The following AGAP1 variants were observed in gnomAD, a reference collection of about 807,000 sequenced individuals.
AGAP1 encodes the protein arf-GAP with GTPase, ANK repeat and PH domain-containing protein 1.
AGAP1 carries 29 observed loss-of-function variants against 105.3 expected under a neutral mutation model. That is an observed-to-expected ratio of 0.28 (90% CI 0.21 to 0.38). The LOEUF (loss-of-function observed/expected upper bound fraction) is 0.38. Ranked by LOEUF, AGAP1 falls within the 10% of genes least tolerant of loss-of-function variation. AGAP1 has a pLI of 1.00. For synonymous variants in AGAP1, 509 were observed against 485.9 expected (o/e 1.05, Z -0.63); for missense variants, 998 against 1,165.1 (o/e 0.86, Z 2.09).
chr2:235,590,692 CGTGTGTGTGTGTGTGTGTGT>C (rs1183327731), intron 1 of AGAP1, among the ~76,000 whole-genome samples: 1 of 72,554 alleles, frequency 1.4e-5, no homozygotes, highest in Admixed American at 1.2e-4. Flanking sequence ...TGTGCGTGTG[CGTGTGTGTGTGTGTGTGTGT>C]GCATTTTTTT....
intron 3 of AGAP1, among the ~76,000 whole-genome samples, chr2:235,726,038 G>C (rs140352987): frequency 2.0e-5 from 3 of 152,206 alleles, no homozygotes; most frequent in Admixed American, 1.3e-4. Context: ...TGAGTTGGCT[G>C]TATGGAACTC....
chr2:235,802,516 A>AG (rs1408237576), intron 8 of AGAP1, among the ~76,000 whole-genome samples: 9 of 152,264 alleles, frequency 5.9e-5, no homozygotes, highest in African/African-American at 2.2e-4. Context: ...GAGTCATAAA[A>AG]GAAGCTACCA....
Position 235,872,305 on chromosome 2 carries a change from A to C in AGAP1, c.1051-11040A>C, listed in dbSNP as rs923990317. ...TAAATGCCGAAGCCACATAGGAGTC[A>C]AAGAAAGCGTTAACTGTAATTGATG... is the stretch of plus-strand genomic sequence containing the variant. On this transcript the variant is annotated intron_variant, in intron 9 of 17. Coordinates refer to ENST00000304032, the MANE Select transcript of AGAP1 (RefSeq NM_001037131.3). This position sits in a 1 kb window ranked among gnomAD's most constrained non-coding sequence, Gnocchi z 4.5. 6.6e-6 allele frequency among the ~76,000 whole-genome samples: 1 copy of C among 152,224 alleles called. No individual in the cohort carries two copies. Among genetic ancestry groups the C allele is most frequent in the Admixed American group, 6.5e-5 (1 of 15,286 alleles).
intron 1 of AGAP1, among the ~76,000 whole-genome samples, chr2:235,688,642 C>A (rs1432437891): frequency 6.6e-6 from 1 of 152,110 alleles, no homozygotes; most frequent in Non-Finnish European, 1.5e-5. Flanking sequence ...GAATTTTTTC[C>A]TTTTGTTCAG....
At chr2:235,933,871 A>G (rs894782024) in intron 12 of AGAP1, among the ~76,000 whole-genome samples, 1 of 152,188 alleles carries the variant, frequency 6.6e-6, no homozygotes, top group Non-Finnish European at 1.5e-5. Flanking sequence ...AAATATTTTG[A>G]AAAGGGAGAC....
intron 8 of AGAP1, among the ~76,000 whole-genome samples, chr2:235,806,186 G>A (rs1957825290): frequency 6.6e-6 from 1 of 152,118 alleles, no homozygotes; most frequent in Non-Finnish European, 1.5e-5. Context: ...GCTTTTCATT[G>A]TAGCAGTGGA....
At position 235,611,067 on chromosome 2, in the gene AGAP1, C is replaced by A. The variant is rs758213749; in HGVS notation, c.164-98112C>A. Among the ~76,000 whole-genome samples, 6 of 152,236 alleles carry A rather than the reference C, an allele frequency of 3.9e-5. No individual in the cohort carries two copies. Among genetic ancestry groups the A allele is most frequent in the Non-Finnish European group, 8.8e-5 (6 of 68,042 alleles). On this transcript the variant is annotated intron_variant, in intron 1 of 17. Transcript: ENST00000304032. The surrounding 1 kb of genome is among the most constrained non-coding windows in gnomAD (Gnocchi z 5.0). ...CCTGCCTGCAACCCCATAGCCGAGT[C>A]AGCTCCCTGGATGGGCTAGTGTGTT...
At chr2:235,585,990 C>T (rs73996180) in intron 1 of AGAP1, among the ~76,000 whole-genome samples, 1,926 of 152,214 alleles carry the variant, frequency 0.013, 42 homozygotes, top group African/African-American at 0.043. Context: ...GTTGCAGCTG[C>T]CACTGAGAAG....
At chr2:235,709,547 C>A (rs967688963) in intron 2 of AGAP1, among the ~76,000 whole-genome samples, 2 of 151,740 alleles carry the variant, frequency 1.3e-5, no homozygotes, top group East Asian at 1.9e-4. Context: ...ACACACACAC[C>A]CCCATGGGTT....
In AGAP1 at chr2:235,620,314, C is replaced by T. The variant is rs1946436322; in HGVS notation, c.164-88865C>T. ...TGCTCACCTCTTCAAGCCGATGCTG[C>T]TACTCTCCTGGACAGTCCACTTGCC... On this transcript the variant is annotated intron_variant, in intron 1 of 17. Coordinates refer to ENST00000304032, the MANE Select transcript of AGAP1 (RefSeq NM_001037131.3). The surrounding 1 kb of genome is among the most constrained non-coding windows in gnomAD (Gnocchi z 4.5). 6.6e-6 allele frequency among the ~76,000 whole-genome samples: 1 copy of T among 152,174 alleles called. No homozygotes were observed. The highest frequency in any genetic ancestry group is 1.5e-5 in the Non-Finnish European group (1 of 68,036).
rs965631664 is a variant in AGAP1 at position 236,101,748 on chromosome 2, C to A, written c.2115-18444C>A. On this transcript the variant is annotated intron_variant, in intron 16 of 17. Transcript: ENST00000304032. The surrounding 1 kb of genome is among the most constrained non-coding windows in gnomAD (Gnocchi z 4.9). ...GTGATGGCGGCTGCACCAGCAGAGC[C>A]GCCGTGGGCTTCATGCCACGTTACG... 1.3e-5 allele frequency among the ~76,000 whole-genome samples: 2 copies of A among 152,228 alleles called. No homozygotes were observed. Among genetic ancestry groups the A allele is most frequent in the Non-Finnish European group, 2.9e-5 (2 of 68,044 alleles).
In AGAP1 at chr2:235,970,206, TAAA is replaced by T. The variant is rs35825564; in HGVS notation, c.1645+1603_1645+1605del. ...GGGCGACAGAGTGAGACTCTGTCTT[TAAA>T]AAAAAAAAAAAAAAAAAAAGACGAT... On this transcript the variant is annotated intron_variant, in intron 13 of 17. Transcript: ENST00000304032. The surrounding 1 kb of genome is among the most constrained non-coding windows in gnomAD (Gnocchi z 5.4). Among the ~76,000 whole-genome samples, 37 of 117,858 alleles carry T rather than the reference TAAA, an allele frequency of 3.1e-4. No individual in the cohort carries two copies. The highest frequency in any genetic ancestry group is 6.2e-4 in the Admixed American group (7 of 11,266). 77.3% of individuals were successfully genotyped at this position (117,858 alleles called of 152,430 possible).
At position 236,046,602 on chromosome 2, in the gene AGAP1, A is replaced by T. The variant is rs2057724024; in HGVS notation, c.1892-2457A>T. Among the ~76,000 whole-genome samples the T allele has an allele frequency of 1.3e-5, 2 of 152,176 alleles. No homozygotes were observed. The highest frequency in any genetic ancestry group is 4.8e-5 in the African/African-American group (2 of 41,456). ...TGGATGTTGACTAGGAGATTCTCCC[A>T]ACTGAAATGTACGTGGTCGTTGCGT... On this transcript the variant is annotated intron_variant, in intron 15 of 17. Coordinates refer to ENST00000304032, the MANE Select transcript of AGAP1 (RefSeq NM_001037131.3). The surrounding 1 kb of genome is among the most constrained non-coding windows in gnomAD (Gnocchi z 5.2).
intron 3 of AGAP1, chr2:235,718,362 G>C (rs1247050131): frequency 4.1e-6 from 4 of 985,190 alleles, no homozygotes; most frequent in Admixed American, 6.2e-5. Context: ...TTTCTTACTG[G>C]CTGTTCCATT....
chr2:235,861,144 C>A (rs1005839385), intron 9 of AGAP1, among the ~76,000 whole-genome samples: 1 of 152,200 alleles, frequency 6.6e-6, no homozygotes, highest in Non-Finnish European at 1.5e-5. Flanking sequence ...CTTGCTGATA[C>A]AATATTTGCA....
intron 1 of AGAP1, among the ~76,000 whole-genome samples, chr2:235,540,820 G>C (rs975963569): frequency 2.0e-5 from 3 of 152,144 alleles, no homozygotes; most frequent in Non-Finnish European, 2.9e-5. Flanking sequence ...TTCAGGGCTG[G>C]TGTGTAAACT....
rs1464306827 is a variant in AGAP1 at position 235,853,748 on chromosome 2, CAAATGAGGT to C, written c.1051-29596_1051-29588del. 5.9e-3 allele frequency among the ~76,000 whole-genome samples: 891 copies of C among 152,202 alleles called. 3 individuals carry two copies. Among genetic ancestry groups the C allele is most frequent in the African/African-American group, 0.02 (843 of 41,524 alleles). Reference sequence around the variant, plus strand: ...TCTACAAGTGCTGAAATTTGTAGAACAAATGAGGTCATTTTTGTGAAGTAGGCTGAGAAC... The same window carrying C: ...TCTACAAGTGCTGAAATTTGTAGAACCATTTTTGTGAAGTAGGCTGAGAAC... On this transcript the variant is annotated intron_variant, in intron 9 of 17. Coordinates refer to ENST00000304032, the MANE Select transcript of AGAP1 (RefSeq NM_001037131.3).
At chr2:235,647,803 C>T (rs1387499357) in intron 1 of AGAP1, among the ~76,000 whole-genome samples, 1 of 152,124 alleles carries the variant, frequency 6.6e-6, no homozygotes, top group Non-Finnish European at 1.5e-5. Context: ...ACTGTCCAGG[C>T]TCTTGGCTGA....
chr2:235,630,476 G>C (rs1356964136), intron 1 of AGAP1, among the ~76,000 whole-genome samples: 1 of 152,160 alleles, frequency 6.6e-6, no homozygotes, highest in African/African-American at 2.4e-5. Flanking sequence ...CTCCCAAAGT[G>C]CTGGGATTAC....
Sources: gnomAD v4.1 joint callset for allele counts (sites outside exome capture counted in the v4.1 genomes callset) on GRCh38, gnomAD v4.1.1 for gene constraint, Gnocchi (gnomAD v3.1) non-coding constraint, MANE v1.5 for transcripts, NCBI Gene and HGNC (gene_info 2026-07-23, HGNC 2026-07-21) for gene names.